NEK6: variants seen among roughly 807,000 people sequenced by gnomAD.
The protein encoded by NEK6 is serine/threonine-protein kinase Nek6.
A neutral mutation model predicts 43.5 loss-of-function variants in NEK6; 27 were observed. That is an observed-to-expected ratio of 0.62 (90% CI 0.46 to 0.86). The LOEUF is 0.86. NEK6 is among the 40% of genes least tolerant of loss of function. The probability of loss-of-function intolerance (pLI) is 0.00; values close to 1 mark genes in which losing one functional copy is unlikely to be tolerated. For missense variants in NEK6, 318 were observed against 414.4 expected, an observed-to-expected ratio of 0.77 and a Z score of 2.02; for synonymous variants, 167 against 164.1, an observed-to-expected ratio of 1.02 and a Z score of -0.14.
chr9:124,257,853 C>A (rs2118823916), upstream of NEK6: 1 of 1,082,000 alleles, frequency 9.2e-7, no homozygotes, highest in Admixed American at 4.8e-5. Flanking sequence ...GCCCCCCGCC[C>A]CTCAAGCTTG....
intron 7 of NEK6, among the ~76,000 whole-genome samples, chr9:124,337,450 C>T (rs1829353763): frequency 6.6e-6 from 1 of 152,242 alleles, no homozygotes; most frequent in African/African-American, 2.4e-5. Flanking sequence ...GGAGCCCTTT[C>T]CTGGTCACCA....
At chr9:124,296,632 A>G (rs1832702529) in intron 1 of NEK6, among the ~76,000 whole-genome samples, 1 of 152,218 alleles carries the variant, frequency 6.6e-6, no homozygotes, top group South Asian at 2.1e-4. Flanking sequence ...GATCCAGTAT[A>G]TGAATGCACT....
intron 1 of NEK6, among the ~76,000 whole-genome samples, chr9:124,289,675 G>T (rs1832322540): frequency 6.6e-6 from 1 of 152,206 alleles, no homozygotes; most frequent in Non-Finnish European, 1.5e-5. Flanking sequence ...TGGTTTTCTA[G>T]TGCCCAGAAA....
chr9:124,298,673 G>A (rs990986366), intron 1 of NEK6, among the ~76,000 whole-genome samples: 4 of 152,300 alleles, frequency 2.6e-5, no homozygotes, highest in African/African-American at 9.6e-5. Context: ...GTGCAGTACC[G>A]TAGTTTTGGA....
chr9:124,284,059 C>T (rs936223922), intron 1 of NEK6, among the ~76,000 whole-genome samples: 1 of 152,200 alleles, frequency 6.6e-6, no homozygotes, highest in Admixed American at 6.5e-5. Flanking sequence ...TTTAAAATAC[C>T]AGATGTGGGC....
intron 7 of NEK6, among the ~76,000 whole-genome samples, chr9:124,330,715 C>G (rs578260377): frequency 6.6e-6 from 1 of 152,324 alleles, no homozygotes; most frequent in East Asian, 1.9e-4. Context: ...TGGGGATATG[C>G]GATTATGCAG....
chr9:124,284,595 TAAA>T (rs902317939), intron 1 of NEK6, among the ~76,000 whole-genome samples: 3 of 152,202 alleles, frequency 2.0e-5, no homozygotes, highest in Admixed American at 2.0e-4. Context: ...TCCAGTGTCT[TAAA>T]AAGGCAGGAC....
rs760661821 is a variant in NEK6, at chr9:124,347,774, C to T, written c.783C>T (p.Ile261=). Residue 261 remains isoleucine (I), a synonymous_variant, in exon 9 of 10, where the codon ATC becomes ATT. Coordinates refer to ENST00000320246, the MANE Select transcript of NEK6 (RefSeq NM_014397.6). Reference sequence around the variant, plus strand: ...ATCTCTTCTCCCTGTGCCAGAAGATCGAGCAGTGTGACTACCCCCCACTCC... The same window carrying T: ...ATCTCTTCTCCCTGTGCCAGAAGATTGAGCAGTGTGACTACCCCCCACTCC... ...KMNLFSLCQK[I]EQCDYPPLPG... 4.3e-6 allele frequency: 7 copies of T among 1,613,268 alleles called. No individual in the cohort carries two copies. The highest frequency in any genetic ancestry group is 3.3e-5 in the South Asian group (3 of 90,934).
At chr9:124,323,891 CAG>C (rs1205886534) in intron 5 of NEK6, among the ~76,000 whole-genome samples, 4 of 152,190 alleles carry the variant, frequency 2.6e-5, no homozygotes, top group Admixed American at 2.6e-4. Flanking sequence ...AACACTGGCT[CAG>C]GGTTCAAGTC....
At chr9:124,292,604 A>G (rs1832476881) in intron 1 of NEK6, 2 of 1,526,832 alleles carry the variant, frequency 1.3e-6, no homozygotes, top group Non-Finnish European at 1.8e-6. Flanking sequence ...TCCTTCTTCC[A>G]CTGTCAGTCA....
At chr9:124,284,078 G>C (rs1326351176) in intron 1 of NEK6, among the ~76,000 whole-genome samples, 1 of 152,276 alleles carries the variant, frequency 6.6e-6, no homozygotes, top group East Asian at 1.9e-4. Flanking sequence ...GCCAGGCGCA[G>C]TGGCTCTCGC....
chr9:124,271,733 C>G (rs1171236918), intron 1 of NEK6, among the ~76,000 whole-genome samples: 2 of 152,250 alleles, frequency 1.3e-5, no homozygotes, highest in Non-Finnish European at 2.9e-5. Flanking sequence ...TTGCCCCCAC[C>G]GTCTGCTGCA....
At chr9:124,332,481 T>C (rs146072180) in intron 7 of NEK6, among the ~76,000 whole-genome samples, 5,098 of 152,302 alleles carry the variant, frequency 0.033, 126 homozygotes, top group Non-Finnish European at 0.047. Flanking sequence ...ATGTCACTGC[T>C]GTCCCCACCT....
intron 1 of NEK6, among the ~76,000 whole-genome samples, chr9:124,294,035 G>A (rs1295961071): frequency 2.0e-5 from 3 of 152,230 alleles, no homozygotes; most frequent in Non-Finnish European, 4.4e-5. Context: ...TTAAGGCTCA[G>A]GGAGGGGACG....
chr9:124,304,828 TAC>T (rs1833173939), intron 2 of NEK6, among the ~76,000 whole-genome samples: 2 of 152,340 alleles, frequency 1.3e-5, no homozygotes, highest in Middle Eastern at 3.4e-3. Flanking sequence ...AATTCATATA[TAC>T]TTAGGAAAGC....
At chr9:124,330,563 A>G (rs536013292) in intron 7 of NEK6, among the ~76,000 whole-genome samples, 1 of 152,288 alleles carries the variant, frequency 6.6e-6, no homozygotes, top group East Asian at 1.9e-4. Flanking sequence ...GGGGGCTGGG[A>G]GAGCAAGTCT....
At chr9:124,311,461 C>G (rs1821811955) in intron 2 of NEK6, among the ~76,000 whole-genome samples, 1 of 152,174 alleles carries the variant, frequency 6.6e-6, no homozygotes, top group Non-Finnish European at 1.5e-5. Flanking sequence ...TCCTCCTTCC[C>G]TGGCCCACTG....
intron 1 of NEK6, among the ~76,000 whole-genome samples, chr9:124,283,814 A>G (rs1832032315): frequency 6.6e-6 from 1 of 152,160 alleles, no homozygotes; most frequent in African/African-American, 2.4e-5. Context: ...GAAAAATCCC[A>G]TGCCCCAGGT....
chr9:124,265,705 GGGCC>G (rs1831204565), intron 1 of NEK6: 1 of 152,272 alleles, frequency 6.6e-6, no homozygotes, highest in African/African-American at 2.4e-5. Flanking sequence ...TGTGACACCT[GGGCC>G]TGGACTGCGG....
Sources: gnomAD v4.1 joint callset for allele counts (sites outside exome capture counted in the v4.1 genomes callset) on GRCh38, gnomAD v4.1.1 for gene constraint, MANE v1.5 for transcripts, NCBI Gene and HGNC (gene_info 2026-07-23, HGNC 2026-07-21) for gene names.